The following SYN3 variants were observed in gnomAD, a reference collection of about 807,000 sequenced individuals.
The protein encoded by SYN3 is synapsin-3.
A neutral mutation model predicts 65.8 loss-of-function variants in SYN3; 35 were observed. That is an observed-to-expected ratio of 0.53 (90% confidence interval 0.41 to 0.70). The LOEUF is 0.70. Among genes scored for constraint, SYN3 ranks in the 30% least tolerant of loss-of-function variants. The pLI, the probability that SYN3 is intolerant of heterozygous loss-of-function variation, is 0.00. For missense variants in SYN3, 680 were observed against 749.0 expected (o/e 0.91, Z 1.08); for synonymous variants, 270 against 292.9 (o/e 0.92, Z 0.80).
intron 6 of SYN3, among the ~76,000 whole-genome samples, chr22:32,704,484 T>C (rs543170731): frequency 1.0e-3 from 152 of 152,356 alleles, no homozygotes; most frequent in Non-Finnish European, 1.8e-3. Flanking sequence ...TTTAGGTTGA[T>C]TCCATCATAT....
At chr22:32,952,294 G>A (rs1027767744) in intron 3 of SYN3, among the ~76,000 whole-genome samples, 2 of 148,524 alleles carry the variant, frequency 1.3e-5, no homozygotes, top group Non-Finnish European at 1.5e-5. Context: ...ATGTGTGTGT[G>A]GGGGGGTGTG....
At chr22:32,673,443 C>A (rs200875625) in intron 6 of SYN3, among the ~76,000 whole-genome samples, 5 of 152,186 alleles carry the variant, frequency 3.3e-5, no homozygotes, top group Non-Finnish European at 5.9e-5. Context: ...ATGGATGAAA[C>A]GACCAAGCCT....
intron 7 of SYN3, among the ~76,000 whole-genome samples, chr22:32,594,254 T>A (rs1251537752): frequency 6.6e-6 from 1 of 152,174 alleles, no homozygotes; most frequent in African/African-American, 2.4e-5. Context: ...CACTCAGGGC[T>A]CTGGGATACA....
At chr22:32,957,054 G>A (rs2051488400) in intron 3 of SYN3, among the ~76,000 whole-genome samples, 1 of 152,200 alleles carries the variant, frequency 6.6e-6, no homozygotes, top group Admixed American at 6.5e-5. Flanking sequence ...ATCAGGAAGG[G>A]CCCTTAGGTA....
chr22:33,043,945 C>T (rs903827351), intron 1 of SYN3, among the ~76,000 whole-genome samples: 5 of 151,704 alleles, frequency 3.3e-5, no homozygotes, highest in African/African-American at 9.7e-5. Flanking sequence ...CCCAGCTACT[C>T]GGGTGGCTGA....
At chr22:32,616,205 G>A (rs907037726) in intron 6 of SYN3, among the ~76,000 whole-genome samples, 1 of 152,132 alleles carries the variant, frequency 6.6e-6, no homozygotes, top group African/African-American at 2.4e-5. Context: ...GGCAGGAGGT[G>A]GGGGGCAGGA....
At chr22:33,017,492 A>G (rs539250752) in intron 1 of SYN3, among the ~76,000 whole-genome samples, 2 of 152,308 alleles carry the variant, frequency 1.3e-5, no homozygotes, top group African/African-American at 4.8e-5. Flanking sequence ...TCATTCTTCC[A>G]ATCCGTGAAC....
At chr22:32,760,314 C>T (rs1409052768) in intron 6 of SYN3, among the ~76,000 whole-genome samples, 8 of 151,202 alleles carry the variant, frequency 5.3e-5, no homozygotes, top group African/African-American at 1.5e-4. Context: ...CCCTGCCCTT[C>T]GGTTGAAGGA....
chr22:32,840,419 G>T (rs2047861916), intron 6 of SYN3, among the ~76,000 whole-genome samples: 1 of 152,080 alleles, frequency 6.6e-6, no homozygotes, highest in Admixed American at 6.5e-5. Context: ...GGGGGACCAG[G>T]GTAGGATGCA....
At chr22:32,543,125 G>C (rs571038026) in intron 7 of SYN3, among the ~76,000 whole-genome samples, 1 of 152,182 alleles carries the variant, frequency 6.6e-6, no homozygotes, top group East Asian at 1.9e-4. Flanking sequence ...GCTCAGCTTT[G>C]CCTTGGCAAC....
chr22:32,572,624 C>A (rs1004814174), intron 7 of SYN3, among the ~76,000 whole-genome samples: 4 of 150,690 alleles, frequency 2.7e-5, no homozygotes, highest in Admixed American at 1.3e-4. Flanking sequence ...ACTTTGTCAC[C>A]CAGGCTGGAG....
chr22:32,589,218 C>T (rs1474596637), intron 7 of SYN3, among the ~76,000 whole-genome samples: 1 of 152,188 alleles, frequency 6.6e-6, no homozygotes, highest in Non-Finnish European at 1.5e-5. Flanking sequence ...AGCCAAGAAC[C>T]TTCCCAGGCT....
At chr22:32,715,466 T>C (rs1324211658) in intron 6 of SYN3, among the ~76,000 whole-genome samples, 2 of 152,318 alleles carry the variant, frequency 1.3e-5, no homozygotes, top group South Asian at 2.1e-4. Context: ...TAAAAATTCA[T>C]CAGCATGCTA....
chr22:32,665,773 C>T (rs2060282030), intron 6 of SYN3, among the ~76,000 whole-genome samples: 1 of 152,078 alleles, frequency 6.6e-6, no homozygotes, highest in East Asian at 1.9e-4. Flanking sequence ...CAGACCTTTT[C>T]TCTTTTTCTG....
chr22:32,977,108 G>A (rs1238957926), intron 3 of SYN3, among the ~76,000 whole-genome samples: 1 of 152,132 alleles, frequency 6.6e-6, no homozygotes, highest in Non-Finnish European at 1.5e-5. Flanking sequence ...ATGCCCAAAT[G>A]ACCTGCTAAT....
At chr22:32,726,453 C>A (rs1012941523) in intron 6 of SYN3, among the ~76,000 whole-genome samples, 1 of 152,112 alleles carries the variant, frequency 6.6e-6, no homozygotes, top group Non-Finnish European at 1.5e-5. Flanking sequence ...AGTATAGATT[C>A]TTTTGGGGTA....
intron 2 of SYN3, among the ~76,000 whole-genome samples, chr22:32,984,174 A>AAAAAAG (rs1157016507): frequency 2.8e-5 from 4 of 142,374 alleles, no homozygotes; most frequent in Non-Finnish European, 6.0e-5. Flanking sequence ...AAAAAAAAAA[A>AAAAAAG]AAAAAGAAAA....
chr22:32,982,529 C>G (rs564805072), intron 2 of SYN3, among the ~76,000 whole-genome samples: 2 of 152,304 alleles, frequency 1.3e-5, no homozygotes, highest in South Asian at 4.1e-4. Flanking sequence ...TAATCCTGAC[C>G]TATGATTCAT....
chr22:32,836,188 G>C (rs565145352), intron 6 of SYN3, among the ~76,000 whole-genome samples: 6 of 152,340 alleles, frequency 3.9e-5, no homozygotes, highest in African/African-American at 1.4e-4. Context: ...TTAAGAGTAA[G>C]ATGTACTGTT....
Sources: allele counts gnomAD v4.1 joint callset (sites outside exome capture counted in the v4.1 genomes callset), GRCh38; gene constraint gnomAD v4.1.1; transcripts MANE v1.5; gene names NCBI Gene and HGNC (gene_info 2026-07-23, HGNC 2026-07-21).